The following RABGEF1 variants were observed in gnomAD, a reference collection of about 807,000 sequenced individuals.
RABGEF1 encodes the protein RAB guanine nucleotide exchange factor 1.
In RABGEF1, 26 loss-of-function variants were observed where a neutral mutation model predicts 57.3. The observed-to-expected ratio is 0.45, with a 90% CI of 0.33 to 0.63. The LOEUF (loss-of-function observed/expected upper bound fraction) is 0.63, where lower values mean the gene tolerates loss of function less well. Ranked by LOEUF, RABGEF1 falls within the 20% of genes least tolerant of loss-of-function variation. The pLI, the probability that RABGEF1 is intolerant of heterozygous loss-of-function variation, is 0.02. For missense variants in RABGEF1, 464 were observed against 607.6 expected (o/e 0.76, Z 2.48); for synonymous variants, 185 against 210.7 (o/e 0.88, Z 1.06).
intron 1 of RABGEF1, among the ~76,000 whole-genome samples, chr7:66,697,669 G>T (rs1178305941): frequency 6.6e-6 from 1 of 152,118 alleles, no homozygotes; most frequent in Admixed American, 6.5e-5. Context: ...TAGCAGGGCG[G>T]GGGTAGCTGG....
chr7:66,737,935 C>G (rs552632358), upstream of RABGEF1, among the ~76,000 whole-genome samples: 8 of 152,244 alleles, frequency 5.3e-5, no homozygotes, highest in Non-Finnish European at 1.0e-4. Flanking sequence ...ACAGCTGGCT[C>G]CCTCATCTTT....
intron 2 of RABGEF1, among the ~76,000 whole-genome samples, chr7:66,725,895 A>C (rs1796531362): frequency 6.6e-6 from 1 of 152,224 alleles, no homozygotes; most frequent in South Asian, 2.1e-4. Context: ...TGAAGACCCA[A>C]TCAGAGGGGG....
the RABGEF1 span, among the ~76,000 whole-genome samples, chr7:66,665,737 A>G: frequency 6.6e-6 from 1 of 152,090 alleles, no homozygotes; most frequent in Non-Finnish European, 1.5e-5. Context: ...AGTCTGGGCA[A>G]GTGTGTTGTT....
chr7:66,754,079 T>C (rs1348007076), intron 1 of RABGEF1, among the ~76,000 whole-genome samples: 1 of 149,800 alleles, frequency 6.7e-6, no homozygotes, highest in African/African-American at 2.4e-5. Context: ...CTTGGCTTAC[T>C]GCAACGGCTG....
chr7:66,775,468 C>T, intron 3 of RABGEF1, 75 bp downstream of exon 3: 1 of 1,521,674 alleles, frequency 6.6e-7, no homozygotes, highest in Non-Finnish European at 8.9e-7. Flanking sequence ...CTCATAAGCT[C>T]AGCTTTGTAA....
At chr7:66,756,918 G>A (rs1486337694) in intron 1 of RABGEF1, among the ~76,000 whole-genome samples, 3 of 152,082 alleles carry the variant, frequency 2.0e-5, no homozygotes. Flanking sequence ...TCATTTTTGA[G>A]TCAGTGTATC....
chr7:66,792,469 C>T (rs1562864214), intron 4 of RABGEF1, among the ~76,000 whole-genome samples: 1 of 152,198 alleles, frequency 6.6e-6, no homozygotes, highest in Non-Finnish European at 1.5e-5. Context: ...CCCCGAGTAT[C>T]TGTTCCTATA....
chr7:66,785,780 A>T (rs1195354067), intron 4 of RABGEF1, among the ~76,000 whole-genome samples: 4 of 152,166 alleles, frequency 2.6e-5, no homozygotes, highest in Non-Finnish European at 4.4e-5. Flanking sequence ...AGGCTGAGGC[A>T]GGAGAATGGC....
chr7:66,775,083 A>G (rs911875536), intron 2 of RABGEF1, 144 bp from the exon 3 acceptor site: 6 of 842,984 alleles, frequency 7.1e-6, no homozygotes, highest in African/African-American at 5.2e-5. Flanking sequence ...TCCTGTAGCA[A>G]TGTGAGACCT....
chr7:66,770,348 A>G (rs549679048), intron 1 of RABGEF1: 1 of 152,336 alleles, frequency 6.6e-6, no homozygotes, highest in South Asian at 2.1e-4. Context: ...AAGAATGAAG[A>G]CCATGTGGTT....
chr7:66,704,869 A>C (rs948364673), intron 1 of RABGEF1, among the ~76,000 whole-genome samples: 4 of 152,078 alleles, frequency 2.6e-5, no homozygotes, highest in Non-Finnish European at 5.9e-5. Context: ...ATGCTACTTC[A>C]TGTGCAGAGA....
chr7:66,748,631 C>T (rs2129057921), intron 1 of RABGEF1, among the ~76,000 whole-genome samples: 1 of 152,264 alleles, frequency 6.6e-6, no homozygotes, highest in Non-Finnish European at 1.5e-5. Context: ...AAGGGTGCCA[C>T]ACAAACATCT....
At chr7:66,673,717 C>G in the RABGEF1 span, among the ~76,000 whole-genome samples, 1 of 151,462 alleles carries the variant, frequency 6.6e-6, no homozygotes, top group East Asian at 1.9e-4. Flanking sequence ...TCTGATTACT[C>G]TGAGCACTAA....
chr7:66,755,547 G>C (rs1802511868), intron 1 of RABGEF1, among the ~76,000 whole-genome samples: 1 of 152,214 alleles, frequency 6.6e-6, no homozygotes, highest in Non-Finnish European at 1.5e-5. Flanking sequence ...TATGTTGCAA[G>C]TTGCTGTTAC....
intron 1 of RABGEF1, among the ~76,000 whole-genome samples, chr7:66,700,487 C>CGGAGGGGGAGGAGGGTGGTTGGGG (rs35510019): frequency 7.3e-6 from 1 of 137,198 alleles, no homozygotes; most frequent in Admixed American, 7.3e-5. Flanking sequence ...AAGCGGGCCC[C>CGGAGGGGGAGGAGGGTGGTTGGGG]GGAGGGGGAG....
intron 1 of RABGEF1, among the ~76,000 whole-genome samples, chr7:66,695,852 G>C (rs914307191): frequency 2.6e-5 from 4 of 151,952 alleles, no homozygotes; most frequent in African/African-American, 9.7e-5. Context: ...TGTAATTTCA[G>C]CTACTCAGGA....
chr7:66,802,750 C>G (rs1787577359), intron 7 of RABGEF1, among the ~76,000 whole-genome samples: 1 of 152,220 alleles, frequency 6.6e-6, no homozygotes, highest in South Asian at 2.1e-4. Context: ...GTTTGTCTTT[C>G]TTTATTCTCC....
intron 4 of RABGEF1, among the ~76,000 whole-genome samples, chr7:66,789,758 C>T (rs1242670358): frequency 1.4e-5 from 2 of 141,902 alleles, no homozygotes; most frequent in African/African-American, 5.1e-5. Flanking sequence ...AAAAATGTTT[C>T]ATAGAAGCAC....
At chr7:66,658,214 G>C in the RABGEF1 span, among the ~76,000 whole-genome samples, 1 of 152,210 alleles carries the variant, frequency 6.6e-6, no homozygotes, top group African/African-American at 2.4e-5. Context: ...AACCTACCAA[G>C]ACTGAATCAC....
Sources: allele counts gnomAD v4.1 joint callset (sites outside exome capture counted in the v4.1 genomes callset), GRCh38; gene constraint gnomAD v4.1.1; transcripts MANE v1.5; gene names NCBI Gene and HGNC (gene_info 2026-07-23, HGNC 2026-07-21).